KIF6: variants seen among roughly 807,000 people sequenced by gnomAD.
KIF6 encodes the protein kinesin-like protein KIF6.
Under a neutral mutation model 112.7 loss-of-function variants are expected in KIF6, and 106 were observed. That is an observed-to-expected ratio of 0.94 (90% confidence interval 0.80 to 1.11). KIF6 has a LOEUF of 1.11. Ranked by LOEUF, KIF6 falls within the 50% of genes least tolerant of loss-of-function variation. The pLI is 0.00. For missense variants in KIF6, 929 were observed against 964.0 expected (o/e 0.96, Z 0.48); for synonymous variants, 339 against 339.9 (o/e 1.00, Z 0.03).
intron 3 of KIF6, among the ~76,000 whole-genome samples, chr6:39,673,164 G>C (rs1376446228): frequency 6.6e-6 from 1 of 152,212 alleles, no homozygotes; most frequent in African/African-American, 2.4e-5. Context: ...GCTTCTGTAA[G>C]TGCCAGTTCA....
chr6:39,373,804 C>T (rs1766221337), intron 16 of KIF6, among the ~76,000 whole-genome samples: 2 of 151,762 alleles, frequency 1.3e-5, no homozygotes, highest in African/African-American at 4.8e-5. Flanking sequence ...TCATACTACC[C>T]AAAGCAATAT....
intron 13 of KIF6, among the ~76,000 whole-genome samples, chr6:39,477,250 T>C (rs777822924): frequency 1.3e-4 from 20 of 152,202 alleles, no homozygotes; most frequent in Non-Finnish European, 2.5e-4. Flanking sequence ...TCCCAGGTAT[T>C]GTCGGTGGGT....
chr6:39,343,912 C>G lies in KIF6; in HGVS notation c.2322-97G>C. 1.5e-6 allele frequency: 1 copy of G among 667,344 alleles called. No individual in the cohort carries two copies. Among genetic ancestry groups the G allele is most frequent in the Non-Finnish European group, 2.5e-6 (1 of 394,132 alleles). 41.3% of individuals were successfully genotyped at this position (667,344 alleles called of 1,614,324 possible). ...TTTCCATTTTAGGTGACTGATCTCA[C>G]TCAGAAAGCTACATGACACGGCTGG... On this transcript the variant is annotated intron_variant, in intron 21 of 22. Transcript: ENST00000287152. The surrounding 1 kb of genome is among the most constrained non-coding windows in gnomAD (Gnocchi z 4.1).
intron 5 of KIF6, among the ~76,000 whole-genome samples, chr6:39,623,065 T>C (rs1478137425): frequency 6.6e-6 from 1 of 152,214 alleles, no homozygotes; most frequent in African/African-American, 2.4e-5. Flanking sequence ...AAATGTCCAA[T>C]ACTGTTGACT....
rs190071942 is a variant in KIF6, at chr6:39,484,742, T to C, written c.1646-53581A>G. On this transcript the variant is annotated intron_variant, in intron 13 of 22. Transcript: ENST00000287152. ...AACCTTGGGGCTATTTTTCTCCACATTAAGCTACATTCCTCTTCCTAAGGA... is the reference window on the plus strand; with the variant it reads ...AACCTTGGGGCTATTTTTCTCCACACTAAGCTACATTCCTCTTCCTAAGGA... Among the ~76,000 whole-genome samples the C allele has an allele frequency of 4.0e-3, 604 of 152,358 alleles. 5 individuals carry two copies. The highest frequency in any genetic ancestry group is 4.9e-3 in the Non-Finnish European group (333 of 68,026).
At chr6:39,452,471 T>C (rs1772766791) in intron 13 of KIF6, among the ~76,000 whole-genome samples, 1 of 152,208 alleles carries the variant, frequency 6.6e-6, no homozygotes, top group Non-Finnish European at 1.5e-5. Flanking sequence ...AATAATTTGC[T>C]CTCTGGATAT....
chr6:39,413,709 CAAG>C (rs1458187209), intron 15 of KIF6, among the ~76,000 whole-genome samples: 1 of 151,954 alleles, frequency 6.6e-6, no homozygotes, highest in Non-Finnish European at 1.5e-5. Context: ...AGAACTGAGA[CAAG>C]GAGGGAGAGG....
At chr6:39,612,414 C>T (rs954426074) in intron 6 of KIF6, among the ~76,000 whole-genome samples, 3 of 152,178 alleles carry the variant, frequency 2.0e-5, no homozygotes, top group Admixed American at 1.3e-4. Flanking sequence ...CCATTCCCTT[C>T]ACCACAGTGT....
chr6:39,462,503 C>T lies in KIF6; in HGVS notation c.1646-31342G>A, dbSNP rs189802558. Among the ~76,000 whole-genome samples the T allele has an allele frequency of 6.9e-4, 105 of 152,192 alleles. 3 individuals carry two copies. In the East Asian group the frequency reaches 0.018, roughly 27 times the overall value. Reference sequence around the variant, plus strand: ...CAGTGACTGTCCTTATAACTTAAGTCATTAATAGACTGATAACACTTGTAG... The same window carrying T: ...CAGTGACTGTCCTTATAACTTAAGTTATTAATAGACTGATAACACTTGTAG... On this transcript the variant is annotated intron_variant, in intron 13 of 22. Transcript: ENST00000287152.
rs1762915056 is a variant in KIF6, at chr6:39,336,478, C to A, written c.*54G>T. 2 of 1,577,432 alleles carry A rather than the reference C, an allele frequency of 1.3e-6. No individual in the cohort carries two copies. The highest frequency in any genetic ancestry group is 3.3e-5 in the Admixed American group (2 of 59,938). On this transcript the variant is annotated 3_prime_UTR_variant, in exon 23 of 23. Transcript: ENST00000287152. ...CAGAGCAAGTGAGGGGCGCTGCCTTCATCTGTGCTTCATTCTTGCTGGCAT... is the reference window on the plus strand; with the variant it reads ...CAGAGCAAGTGAGGGGCGCTGCCTTAATCTGTGCTTCATTCTTGCTGGCAT...
Position 39,343,030 on chromosome 6 carries a change from G to C in KIF6, c.2428+679C>G. On this transcript the variant is annotated intron_variant, in intron 22 of 22. Coordinates refer to ENST00000287152, the MANE Select transcript of KIF6 (RefSeq NM_145027.6). The surrounding 1 kb of genome is among the most constrained non-coding windows in gnomAD (Gnocchi z 4.1). ...GGGAGGAGGCTAAGACAAAATGCAG[G>C]CCTGGGGTAAGGGGCCCTGGGGCTT... 3.0e-6 allele frequency: 3 copies of C among 985,426 alleles called. No individual in the cohort carries two copies. The highest frequency in any genetic ancestry group is 3.6e-6 in the Non-Finnish European group (3 of 829,926). The allele number at this position is 985,426 out of a possible 1,614,324, so 61.0% of individuals were successfully genotyped here. A position where few individuals can be genotyped will look rare whatever the true frequency, so the allele number is the denominator to read the frequency against.
rs1784808790 is a variant in KIF6 at position 39,639,693 on chromosome 6, T to C, written c.316A>G (p.Thr106Ala). 6.2e-7 allele frequency: 1 copy of C among 1,612,328 alleles called. No homozygotes were observed. Among genetic ancestry groups the C allele is most frequent in the African/African-American group, 1.3e-5 (1 of 74,844 alleles). ...YGQTGSGKTF[T>A]ITGGAERYSD... is the part of the protein sequence containing the mutation. ...TAACGCTCTGCACCCCCTGTGATAG[T>C]GAATGTCTTCCCGCTGCCTGTTTGC... Residue 106 changes from threonine (T) to alanine (A), a missense_variant, in exon 4 of 23, where the codon ACT (threonine) becomes GCT (alanine). Around this residue, in one of 2 missense-constraint regions of KIF6, gnomAD observed 688 missense variants for 662.7 expected, o/e 1.04. Transcript: ENST00000287152.
chr6:39,687,112 G>A (rs1430424225), intron 3 of KIF6, among the ~76,000 whole-genome samples: 8 of 152,048 alleles, frequency 5.3e-5, no homozygotes, highest in East Asian at 1.9e-4. Flanking sequence ...CAATAGCAGC[G>A]CCACAACACA....
At chr6:39,659,317 T>C (rs1785988304) in intron 3 of KIF6, among the ~76,000 whole-genome samples, 1 of 152,192 alleles carries the variant, frequency 6.6e-6, no homozygotes, top group Non-Finnish European at 1.5e-5. Flanking sequence ...ATTTGGAAAA[T>C]TATCTCATTA....
intron 16 of KIF6, among the ~76,000 whole-genome samples, chr6:39,380,780 C>G (rs552821350): frequency 6.6e-6 from 1 of 152,206 alleles, no homozygotes. Flanking sequence ...CCTCGTCACA[C>G]AGTGTTCCCA....
chr6:39,346,093 CT>C (rs1562112987), intron 20 of KIF6, among the ~76,000 whole-genome samples: 21 of 8,770 alleles, frequency 2.4e-3, no homozygotes, highest in Non-Finnish European at 4.6e-3. Flanking sequence ...TCTCCCCCCC[CT>C]CTCCCTCCCC....
intron 3 of KIF6, among the ~76,000 whole-genome samples, chr6:39,707,741 C>T (rs1381181925): frequency 6.6e-6 from 1 of 152,212 alleles, no homozygotes; most frequent in Non-Finnish European, 1.5e-5. Flanking sequence ...CTAATTTTTT[C>T]ATCCCTTACA....
intron 16 of KIF6, among the ~76,000 whole-genome samples, chr6:39,372,371 G>C (rs1300030360): frequency 1.3e-5 from 2 of 152,122 alleles, no homozygotes; most frequent in African/African-American, 4.8e-5. Context: ...CAATGCGCCT[G>C]GAGAAGAAAA....
intron 10 of KIF6, among the ~76,000 whole-genome samples, chr6:39,548,296 C>T (rs553170429): frequency 9.2e-5 from 14 of 152,312 alleles, no homozygotes; most frequent in African/African-American, 3.1e-4. Flanking sequence ...AGATTGCTCA[C>T]GTGCACTGGG....
Sources: allele counts gnomAD v4.1 joint callset (sites outside exome capture counted in the v4.1 genomes callset), GRCh38; gene constraint gnomAD v4.1.1; regional missense constraint gnomAD v4.1.1; non-coding constraint Gnocchi (gnomAD v3.1); transcripts MANE v1.5; gene names NCBI Gene and HGNC (gene_info 2026-07-23, HGNC 2026-07-21).